Variants in DHRS1 observed in about 807,000 individuals in gnomAD.
DHRS1 encodes the protein dehydrogenase/reductase SDR family member 1.
DHRS1 carries 34 observed loss-of-function variants against 35.2 expected under a neutral mutation model. That is an observed-to-expected ratio of 0.97 (90% CI 0.74 to 1.29). The LOEUF is 1.29. DHRS1 is among the 50% of genes most tolerant of loss of function. DHRS1 has a pLI of 0.00. For missense variants in DHRS1, 354 were observed against 403.6 expected (o/e 0.88, Z 1.05); for synonymous variants, 133 against 160.0 (o/e 0.83, Z 1.27).
chr14:24,299,752 A>G lies in DHRS1; in HGVS notation c.-196T>C, dbSNP rs1378593602. On this transcript the variant is annotated 5_prime_UTR_variant, in exon 1 of 9. Coordinates refer to ENST00000288111, the MANE Select transcript of DHRS1 (RefSeq NM_001136050.3). ...AGGGGCAGAGTCCCAGGCCAAAGTT[A>G]GAACCTGCGGATGGGGGCGGAGCGA... The G allele has an allele frequency of 8.4e-6, 5 of 595,434 alleles. No individual in the cohort carries two copies. Among genetic ancestry groups the G allele is most frequent in the Non-Finnish European group, 1.4e-5 (5 of 354,386 alleles). 36.9% of individuals were successfully genotyped at this position (595,434 alleles called of 1,614,324 possible).
intron 2 of DHRS1, among the ~76,000 whole-genome samples, chr14:24,297,490 G>C (rs1034166536): frequency 1.3e-5 from 2 of 152,088 alleles, no homozygotes; most frequent in African/African-American, 4.8e-5. Flanking sequence ...TTATGCTCTG[G>C]GTCCCCGCCT....
intron 6 of DHRS1, 95 bp from the exon 7 acceptor site, chr14:24,291,720 C>T (rs919650420): frequency 4.5e-6 from 6 of 1,323,952 alleles, no homozygotes; most frequent in Middle Eastern, 1.8e-4. Flanking sequence ...AGAAAAAGAC[C>T]AAAGACCAAA....
Position 24,290,636 on chromosome 14 carries a change from T to C in DHRS1, c.*223A>G, listed in dbSNP as rs2041141253. The C allele has an allele frequency of 7.8e-6, 4 of 510,594 alleles. No individual in the cohort carries two copies. The highest frequency in any genetic ancestry group is 3.3e-5 in the East Asian group (1 of 30,352). 31.6% of individuals were successfully genotyped at this position (510,594 alleles called of 1,614,324 possible). A position where few individuals can be genotyped will look rare whatever the true frequency, so the allele number is the denominator to read the frequency against. ...GAGACTTTTATTAGCTCCAAGAGCATTTTTCAATACTAAGGCAAAAAGTAA... is the reference window on the plus strand; with the variant it reads ...GAGACTTTTATTAGCTCCAAGAGCACTTTTCAATACTAAGGCAAAAAGTAA... On this transcript the variant is annotated 3_prime_UTR_variant, in exon 9 of 9. Transcript: ENST00000288111.
intron 4 of DHRS1, among the ~76,000 whole-genome samples, chr14:24,296,229 C>G (rs2139099168): frequency 6.6e-6 from 1 of 152,330 alleles, no homozygotes; most frequent in Admixed American, 6.5e-5. Flanking sequence ...GAGGAGGAGG[C>G]TTCCTCCCTT....
intron 4 of DHRS1, among the ~76,000 whole-genome samples, chr14:24,296,054 C>T (rs765971748): frequency 3.9e-5 from 6 of 152,260 alleles, no homozygotes; most frequent in Admixed American, 2.6e-4. Flanking sequence ...GCTCTCCCAA[C>T]TCTGACCCGG....
rs1268098510 is a variant in DHRS1 at position 24,298,964 on chromosome 14, G to A, written c.143C>T (p.Ala48Val). 1 of 1,608,786 alleles carries A rather than the reference G, an allele frequency of 6.2e-7. No homozygotes were observed. The highest frequency in any genetic ancestry group is 2.2e-5 in the East Asian group (1 of 44,692). ...GRHLDTLRVV[A>V]QEAQSLGGQC... The stretch of plus-strand genomic sequence containing the variant: ...CCCAGAGGAAGCACTCACCTCCTGA[G>A]CAACAACGCGAAGGGTGTCCAGATG... Residue 48 changes from alanine to valine, a missense_variant, in exon 2 of 9, where the codon GCT (alanine) becomes GTT (valine). By Grantham distance (64) the Ala-to-Val change is moderately conservative (BLOSUM62 0). Coordinates refer to ENST00000288111, the MANE Select transcript of DHRS1 (RefSeq NM_001136050.3).
Position 24,291,576 on chromosome 14 carries a change from C to T in DHRS1, c.704G>A (p.Cys235Tyr). 6.2e-7 allele frequency: 1 copy of T among 1,614,242 alleles called. No homozygotes were observed. The highest frequency in any genetic ancestry group is 8.5e-7 in the Non-Finnish European group (1 of 1,180,040). Reference protein sequence around the residue: ...SAETTELSGKCVVALATDPNI... With the variant: ...SAETTELSGKYVVALATDPNI... ...TTCACCTGTTGCCAAAGCCACCACACATTTGCCACTCAATTCTGTGGTTTC... is the reference window on the plus strand; with the variant it reads ...TTCACCTGTTGCCAAAGCCACCACATATTTGCCACTCAATTCTGTGGTTTC... Residue 235 changes from cysteine (C) to tyrosine (Y), a missense_variant, in exon 7 of 9, where the codon TGT becomes TAT. Physicochemically the swap from Cys to Tyr is radical, Grantham distance 194. Coordinates refer to ENST00000288111, the MANE Select transcript of DHRS1 (RefSeq NM_001136050.3).
At position 24,291,004 on chromosome 14, in the gene DHRS1, A is replaced by G; in HGVS notation, c.806-9T>C. On this transcript the variant is annotated splice_polypyrimidine_tract_variant and intron_variant, in intron 8 of 8. Coordinates refer to ENST00000288111, the MANE Select transcript of DHRS1 (RefSeq NM_001136050.3). ...GTCTTGGACGGGGCGGCCTGGGAAC[A>G]ACAGGAGGAGGAGGATTAGATTCTC... The G allele has an allele frequency of 6.2e-7, 1 of 1,614,112 alleles. No individual in the cohort carries two copies. Among genetic ancestry groups the G allele is most frequent in the Middle Eastern group, 1.6e-4 (1 of 6,062 alleles).
At chr14:24,296,419 G>A (rs2041248028) in intron 4 of DHRS1, 90 bp downstream of exon 4, 1 of 1,277,912 alleles carries the variant, frequency 7.8e-7, no homozygotes, top group Admixed American at 1.7e-5. Context: ...GGAGGCCGGA[G>A]GGAAAAGGAG....
At chr14:24,294,625 C>CAGA (rs1303221225) in intron 4 of DHRS1, 1 of 148,708 alleles carries the variant, frequency 6.7e-6, no homozygotes, top group East Asian at 1.9e-4. Context: ...ACAACAACAA[C>CAGA]AGACGAGTGG....
At chr14:24,292,116 A>C in intron 6 of DHRS1, 68 bp downstream of exon 6, 1 of 1,594,730 alleles carries the variant, frequency 6.3e-7, no homozygotes, top group Non-Finnish European at 8.6e-7. Context: ...GGAGTATCTG[A>C]TCTTGTTATT....
Position 24,299,777 on chromosome 14 carries a change from A to G in DHRS1, c.-221T>C, listed in dbSNP as rs1194477551. On this transcript the variant is annotated 5_prime_UTR_variant, in exon 1 of 9. Coordinates refer to ENST00000288111, the MANE Select transcript of DHRS1 (RefSeq NM_001136050.3). ...AGAACCTGCGGATGGGGGCGGAGCGATCTGGGTGACACACCCACCCCGCCC... is the reference window on the plus strand; with the variant it reads ...AGAACCTGCGGATGGGGGCGGAGCGGTCTGGGTGACACACCCACCCCGCCC... 4 of 720,688 alleles carry G rather than the reference A, an allele frequency of 5.6e-6. No individual in the cohort carries two copies. In the African/African-American group the frequency reaches 7.2e-5, roughly 13 times the overall value. The allele number at this position is 720,688 out of a possible 1,614,324, so 44.6% of individuals were successfully genotyped here.
Position 24,292,259 on chromosome 14 carries a change from C to G in DHRS1, c.579G>C (p.Pro193=), listed in dbSNP as rs149781043. 1 of 1,614,178 alleles carries G rather than the reference C, an allele frequency of 6.2e-7. No homozygotes were observed. Among genetic ancestry groups the G allele is most frequent in the Non-Finnish European group, 8.5e-7 (1 of 1,180,028 alleles). ...TCAGCAGTTCTGTCTGCACAATCCC[C>G]GGCCACAGAGACACACAGCTGACCC... The part of the protein sequence containing the change: ...RHGVSCVSLW[P]GIVQTELLKE... The change falls in exon 6 of 9, where the codon CCG becomes CCC. Residue 193 remains proline, a synonymous_variant. Coordinates refer to ENST00000288111, the MANE Select transcript of DHRS1 (RefSeq NM_001136050.3).
intron 4 of DHRS1, chr14:24,293,159 G>A (rs1362781393): frequency 1.6e-5 from 3 of 184,340 alleles, no homozygotes; most frequent in African/African-American, 7.1e-5. Context: ...GAACTGACAT[G>A]TAAATCATCA....
At chr14:24,298,809 AC>A in intron 2 of DHRS1, 147 bp downstream of exon 2, 1 of 1,027,544 alleles carries the variant, frequency 9.7e-7, no homozygotes, top group Non-Finnish European at 1.3e-6. Flanking sequence ...GAAGTTATTT[AC>A]GGGGTTTTTA....
intron 7 of DHRS1, 75 bp from the exon 8 acceptor site, chr14:24,291,294 A>G: frequency 6.8e-7 from 1 of 1,472,196 alleles, no homozygotes; most frequent in Non-Finnish European, 9.5e-7. Flanking sequence ...CCAGTTGGAC[A>G]GGGCACTGCT....
chr14:24,296,455 G>A, intron 4 of DHRS1, 54 bp downstream of exon 4: 14 of 1,572,410 alleles, frequency 8.9e-6, no homozygotes, highest in South Asian at 5.5e-5. Flanking sequence ...AGGCCTGGCC[G>A]TCGAGTTGGC....
rs772190818 is a variant in DHRS1 at position 24,292,174 on chromosome 14, C to A, written c.654+10G>T. On this transcript the variant is annotated intron_variant, in intron 6 of 8. Coordinates refer to ENST00000288111, the MANE Select transcript of DHRS1 (RefSeq NM_001136050.3). The stretch of plus-strand genomic sequence containing the variant: ...CTGTTCTCTGCTTCCTTCGCCCTCC[C>A]CTTGCCAACCTGCTTCAACACAGGA... 1 of 1,614,136 alleles carries A rather than the reference C, an allele frequency of 6.2e-7. No individual in the cohort carries two copies. Among genetic ancestry groups the A allele is most frequent in the East Asian group, 2.2e-5 (1 of 44,888 alleles).
rs770444113 is a variant in DHRS1 at position 24,290,850 on chromosome 14, C to T, written c.*9G>A. The stretch of plus-strand genomic sequence containing the variant: ...AGACAAGCAGAGACGTAGTGTCAGA[C>T]CAGGAGGGTTAGAACTTGCTAGTGT... On this transcript the variant is annotated 3_prime_UTR_variant, in exon 9 of 9. Transcript: ENST00000288111. 3.4e-5 allele frequency: 55 copies of T among 1,613,326 alleles called. No homozygotes were observed. The highest frequency in any genetic ancestry group is 4.4e-5 in the Non-Finnish European group (52 of 1,179,890).
Sources: allele counts gnomAD v4.1 joint callset (sites outside exome capture counted in the v4.1 genomes callset), GRCh38; gene constraint gnomAD v4.1.1; transcripts MANE v1.5; gene names NCBI Gene and HGNC (gene_info 2026-07-23, HGNC 2026-07-21).